Variants in STT3B observed in about 807,000 individuals in gnomAD.
STT3B encodes the protein dolichyl-diphosphooligosaccharide--protein glycosyltransferase subunit STT3B.
A neutral mutation model predicts 96.8 loss-of-function variants in STT3B; 29 were observed. That is an observed-to-expected ratio of 0.30 (90% CI 0.22 to 0.41). STT3B has a LOEUF of 0.41. STT3B is among the 10% of genes least tolerant of loss of function. The pLI, the probability that STT3B is intolerant of heterozygous loss-of-function variation, is 1.00. For missense variants in STT3B, 640 were observed against 1,022.3 expected, an observed-to-expected ratio of 0.63 and a Z score of 5.10; for synonymous variants, 367 against 360.0, an observed-to-expected ratio of 1.02 and a Z score of -0.22.
intron 1 of STT3B, among the ~76,000 whole-genome samples, chr3:31,572,484 T>C (rs1025953327): frequency 2.6e-5 from 4 of 152,208 alleles, no homozygotes; most frequent in Admixed American, 2.6e-4. Flanking sequence ...ACCTCAAGTT[T>C]AAGATTTTTG....
At chr3:31,618,238 G>T (rs1402080391) in intron 8 of STT3B, among the ~76,000 whole-genome samples, 1 of 151,606 alleles carries the variant, frequency 6.6e-6, no homozygotes, top group Non-Finnish European at 1.5e-5. Context: ...CGTTTTGTTT[G>T]TAAGAATATT....
Position 31,600,389 on chromosome 3 carries a change from C to T in STT3B, c.807C>T (p.Ile269=), listed in dbSNP as rs775832467. 6.3e-7 allele frequency: 1 copy of T among 1,588,394 alleles called. No homozygotes were observed. The highest frequency in any genetic ancestry group is 1.1e-5 in the South Asian group (1 of 88,574). Residue 269 remains isoleucine (I), a synonymous_variant, in exon 5 of 16, where the codon ATC becomes ATT. Transcript: ENST00000295770. ...CTGCTTGGGGTGGTTATGTATTTAT[C>T]ATCAATCTTATTCCACTGCATGTAT... ...MVSAWGGYVF[I]INLIPLHVFV... is the part of the protein sequence containing the mutation.
At position 31,583,125 on chromosome 3, in the gene STT3B, G is replaced by A; in HGVS notation, c.711+3029G>A. On this transcript the variant is annotated intron_variant, in intron 3 of 15. Coordinates refer to ENST00000295770, the MANE Select transcript of STT3B (RefSeq NM_178862.3). ...TGTTCTATCCATTATTGAGAATAGA[G>A]TATTGATGTCACCAGCTATTATTGT... Among the ~76,000 whole-genome samples, 2 of 152,100 alleles carry A rather than the reference G, an allele frequency of 1.3e-5. 1 individual carries two copies. The highest frequency in any genetic ancestry group is 2.9e-5 in the Non-Finnish European group (2 of 68,008).
rs1398716128 is a variant in STT3B at position 31,636,900 on chromosome 3, A to C, written c.*836A>C. On this transcript the variant is annotated 3_prime_UTR_variant, in exon 16 of 16. Transcript: ENST00000295770. ...ATGTTTACATGCAAAAGATTAAGGA[A>C]AAAACCCTTAAAGTGGACAGGTATC... 1 of 152,216 alleles carries C rather than the reference A, an allele frequency of 6.6e-6. No homozygotes were observed. The highest frequency in any genetic ancestry group is 1.5e-5 in the Non-Finnish European group (1 of 68,014). 9.4% of individuals were successfully genotyped at this position (152,216 alleles called of 1,614,324 possible).
At chr3:31,633,275 C>T (rs188713793) in intron 15 of STT3B, 128 bp downstream of exon 15, 7 of 800,874 alleles carry the variant, frequency 8.7e-6, no homozygotes, top group East Asian at 2.7e-5. Context: ...TATATTAATA[C>T]GAAGTAAATA....
intron 3 of STT3B, among the ~76,000 whole-genome samples, chr3:31,595,837 C>T (rs1698779370): frequency 6.6e-6 from 1 of 152,222 alleles, no homozygotes; most frequent in African/African-American, 2.4e-5. Flanking sequence ...TTTCCTGCCT[C>T]ATTGCCCTCA....
intron 3 of STT3B, among the ~76,000 whole-genome samples, chr3:31,595,587 A>G (rs138702352): frequency 7.9e-5 from 12 of 152,244 alleles, no homozygotes; most frequent in African/African-American, 2.9e-4. Context: ...CCTTTCATCA[A>G]TCCTAAAATG....
chr3:31,575,645 A>G (rs1698247559), intron 1 of STT3B, among the ~76,000 whole-genome samples: 1 of 151,804 alleles, frequency 6.6e-6, no homozygotes, highest in Admixed American at 6.6e-5. Flanking sequence ...CTGCTTCTTG[A>G]CTCACTTGTC....
At chr3:31,569,840 A>G (rs911872896) in intron 1 of STT3B, among the ~76,000 whole-genome samples, 2 of 152,188 alleles carry the variant, frequency 1.3e-5, no homozygotes, top group South Asian at 2.1e-4. Context: ...AATTTTCCAT[A>G]ATAGAGTTTG....
intron 1 of STT3B, among the ~76,000 whole-genome samples, chr3:31,534,121 T>A (rs1168230919): frequency 6.6e-6 from 1 of 152,152 alleles, no homozygotes; most frequent in Non-Finnish European, 1.5e-5. Context: ...ACTGTCACCC[T>A]TAGTGTGTTA....
Position 31,540,252 on chromosome 3 carries a change from A to C in STT3B, c.314+6940A>C, listed in dbSNP as rs868137035. ...TTGACTCATTTGGAATTATTTAAAA[A>C]AATTGTGTGTACTGGTTGTCTGTAA... On this transcript the variant is annotated intron_variant, in intron 1 of 15. Coordinates refer to ENST00000295770, the MANE Select transcript of STT3B (RefSeq NM_178862.3). 2.6e-5 allele frequency among the ~76,000 whole-genome samples: 4 copies of C among 152,182 alleles called. No homozygotes were observed. In the South Asian group the frequency reaches 6.2e-4, roughly 24 times the overall value.
chr3:31,583,501 T>G (rs1698462138), intron 3 of STT3B, among the ~76,000 whole-genome samples: 1 of 152,092 alleles, frequency 6.6e-6, no homozygotes, highest in Non-Finnish European at 1.5e-5. Context: ...TGTTTTGAAT[T>G]TTATAGAGTT....
At chr3:31,634,752 A>G (rs1170528413) in intron 15 of STT3B, among the ~76,000 whole-genome samples, 1 of 152,160 alleles carries the variant, frequency 6.6e-6, no homozygotes, top group Non-Finnish European at 1.5e-5. Context: ...CCTGAGGGCT[A>G]TTACACACTT....
intron 7 of STT3B, 64 bp from the exon 8 acceptor site, chr3:31,617,876 G>T (rs1559388372): frequency 9.2e-7 from 1 of 1,082,894 alleles, no homozygotes. Context: ...AAACATAAAG[G>T]CAATAAAAGA....
At chr3:31,559,326 G>A (rs1388995440) in intron 1 of STT3B, among the ~76,000 whole-genome samples, 1 of 138,486 alleles carries the variant, frequency 7.2e-6, no homozygotes, top group East Asian at 2.2e-4. Flanking sequence ...TTTTTTTTAT[G>A]TAGGTGTTGT....
chr3:31,621,838 A>G (rs1044437354), intron 9 of STT3B, among the ~76,000 whole-genome samples: 9 of 152,188 alleles, frequency 5.9e-5, no homozygotes, highest in Admixed American at 5.2e-4. Context: ...AATTAAGTCT[A>G]ATTCTTCATA....
intron 5 of STT3B, among the ~76,000 whole-genome samples, chr3:31,611,515 T>G (rs1699179074): frequency 6.6e-6 from 1 of 152,226 alleles, no homozygotes; most frequent in Admixed American, 6.5e-5. Flanking sequence ...TTTATTTATT[T>G]TGAGATGGAG....
In STT3B at chr3:31,596,682, T is replaced by C. The variant is rs377536007; in HGVS notation, c.712-116T>C. On this transcript the variant is annotated intron_variant, in intron 3 of 15. Coordinates refer to ENST00000295770, the MANE Select transcript of STT3B (RefSeq NM_178862.3). ...TCTGCATATCTGAATAACCACAGTA[T>C]TTTTTAGAATAACCTTGACTTTTTG... 165 of 727,946 alleles carry C rather than the reference T, an allele frequency of 2.3e-4. 1 individual carries two copies. Among genetic ancestry groups the C allele is most frequent in the East Asian group, 1.3e-3 (49 of 38,514 alleles). 45.1% of individuals were successfully genotyped at this position (727,946 alleles called of 1,614,324 possible). A position where few individuals can be genotyped will look rare whatever the true frequency, so the allele number is the denominator to read the frequency against.
At chr3:31,568,340 T>C (rs1166589951) in intron 1 of STT3B, among the ~76,000 whole-genome samples, 1 of 152,228 alleles carries the variant, frequency 6.6e-6, no homozygotes, top group Non-Finnish European at 1.5e-5. Context: ...CAGGTGTCTC[T>C]TTGGTACACT....
Sources: allele counts gnomAD v4.1 joint callset (sites outside exome capture counted in the v4.1 genomes callset), GRCh38; gene constraint gnomAD v4.1.1; transcripts MANE v1.5; gene names NCBI Gene and HGNC (gene_info 2026-07-23, HGNC 2026-07-21).